Variants in ATP2B3 observed in about 807,000 individuals in gnomAD.
The protein encoded by ATP2B3 is ATPase plasma membrane Ca2+ transporting 3.
A neutral mutation model predicts 70.8 loss-of-function variants in ATP2B3; 12 were observed. The ratio of observed to expected loss-of-function variants is 0.17; its 90% CI spans 0.11 to 0.27. ATP2B3 has a LOEUF of 0.27. Ranked by LOEUF, ATP2B3 falls within the 10% of genes least tolerant of loss-of-function variation. The pLI, the probability that ATP2B3 is intolerant of heterozygous loss-of-function variation, is 1.00. For missense variants in ATP2B3, 858 were observed against 1,118.5 expected, an observed-to-expected ratio of 0.77 and a Z score of 3.32; for synonymous variants, 460 against 497.8, an observed-to-expected ratio of 0.92 and a Z score of 1.01.
At chrX:153,546,680 G>A (rs1274227626) in intron 8 of ATP2B3, among the ~76,000 whole-genome samples, 1 of 113,383 alleles carries the variant, frequency 8.8e-6, no homozygotes, top group Non-Finnish European at 1.9e-5. Flanking sequence ...GGAGCGGGGA[G>A]GAGGCCAGCC....
intron 21 of ATP2B3, chrX:153,569,922 G>A (rs2090763797): frequency 5.6e-6 from 3 of 532,872 alleles, no homozygotes; most frequent in East Asian, 3.6e-5. Context: ...GGTGTCTCTC[G>A]AAAGCCATAT....
Position 153,550,251 on chromosome X carries a change from C to T in ATP2B3, c.1788C>T (p.Leu596=), listed in dbSNP as rs1557010982. ...VIRMPDGGFR[L]FSKGASEILL... The stretch of plus-strand genomic sequence containing the variant: ...GCATGCCCGACGGTGGCTTCCGCCT[C>T]TTCAGCAAGGGGGCCTCAGAGATCC... The change falls in exon 12 of 22, where the codon CTC becomes CTT. Residue 596 remains leucine (L), a synonymous_variant. Transcript: ENST00000263519. 2.5e-6 allele frequency: 3 copies of T among 1,211,362 alleles called. No homozygotes were observed. Among genetic ancestry groups the T allele is most frequent in the Non-Finnish European group, 3.4e-6 (3 of 895,441 alleles).
intron 2 of ATP2B3, among the ~76,000 whole-genome samples, chrX:153,523,505 C>T (rs1463198544): frequency 8.9e-6 from 1 of 111,799 alleles, no homozygotes; most frequent in Non-Finnish European, 1.9e-5. Flanking sequence ...TTTCATCGCA[C>T]TGCATGGTGT....
chrX:153,551,055 G>A (rs1267363925), intron 12 of ATP2B3, among the ~76,000 whole-genome samples: 1 of 112,619 alleles, frequency 8.9e-6, no homozygotes, highest in South Asian at 3.6e-4. Context: ...GAATATTCAC[G>A]TACAAGTTTT....
At chrX:153,554,426 G>A (rs1299159232) in intron 13 of ATP2B3, among the ~76,000 whole-genome samples, 1 of 113,158 alleles carries the variant, frequency 8.8e-6, no homozygotes, top group Non-Finnish European at 1.9e-5. Context: ...TCTTGCCAGA[G>A]GGGCCTGGGG....
chrX:153,550,155 G>C lies in ATP2B3; in HGVS notation c.1692G>C (p.Gln564His), dbSNP rs782772934. 4 of 1,212,566 alleles carry C rather than the reference G, an allele frequency of 3.3e-6. No individual in the cohort carries two copies. Among genetic ancestry groups the C allele is most frequent in the Non-Finnish European group, 4.5e-6 (4 of 895,694 alleles). The change falls in exon 12 of 22, where the codon CAG becomes CAC. Residue 564 changes from glutamine to histidine, a missense_variant. Around this residue, in one of 5 missense-constraint regions of ATP2B3, gnomAD observed 242 missense variants for 281.3 expected, o/e 0.86. Transcript: ENST00000263519. ...GGGACTTCCAGCCCGTGCGCGAGCA[G>C]ATCCCGGAAGACAAGCTTTACAAAG... ...LKRDFQPVRE[Q>H]IPEDKLYKVY...
At chrX:153,536,840 G>A (rs1197824606) in intron 3 of ATP2B3, among the ~76,000 whole-genome samples, 1 of 112,563 alleles carries the variant, frequency 8.9e-6, no homozygotes, top group Non-Finnish European at 1.9e-5. Flanking sequence ...TTCACTTAAG[G>A]GGGATCAGAA....
chrX:153,569,964 T>C, intron 21 of ATP2B3: 1 of 423,203 alleles, frequency 2.4e-6, no homozygotes, highest in Non-Finnish European at 4.0e-6. Flanking sequence ...CCCATGGCAC[T>C]TCCGGACCTC....
intron 2 of ATP2B3, among the ~76,000 whole-genome samples, chrX:153,530,919 A>G (rs1294134569): frequency 3.6e-5 from 4 of 112,472 alleles, no homozygotes; most frequent in African/African-American, 1.3e-4. Flanking sequence ...TGGAGCCGTG[A>G]GGGCCCAGGA....
At position 153,536,105 on chromosome X, in the gene ATP2B3, C is replaced by T; in HGVS notation, c.-126-17C>T. 2 of 619,037 alleles carry T rather than the reference C, an allele frequency of 3.2e-6. No individual in the cohort carries two copies. Among genetic ancestry groups the T allele is most frequent in the South Asian group, 2.6e-5 (1 of 38,712 alleles). The allele number at this position is 619,037 out of a possible 1,213,427, so 51.0% of individuals were successfully genotyped here. A position where few individuals can be genotyped will look rare whatever the true frequency, so the allele number is the denominator to read the frequency against. On this transcript the variant is annotated splice_polypyrimidine_tract_variant and intron_variant, in intron 2 of 21. Coordinates refer to ENST00000263519, the MANE Select transcript of ATP2B3 (RefSeq NM_001001344.3). ...CTCAACCACTCCCCTGGCTTCTTCT[C>T]GCCTCCATCTCCCCAGGTGTCCACG...
chrX:153,570,855 C>G (rs1327281155), intron 21 of ATP2B3, among the ~76,000 whole-genome samples: 5 of 110,293 alleles, frequency 4.5e-5, no homozygotes, highest in African/African-American at 1.7e-4. Flanking sequence ...CTTTTCTTTT[C>G]CTTTCTTTTT....
chrX:153,551,103 T>C (rs1384213695), intron 12 of ATP2B3, among the ~76,000 whole-genome samples: 1 of 112,429 alleles, frequency 8.9e-6, no homozygotes, highest in African/African-American at 3.2e-5. Flanking sequence ...TGCGTGGACA[T>C]CTAGGAGAGG....
chrX:153,550,226 G>T lies in ATP2B3; in HGVS notation c.1763G>T (p.Arg588Leu), dbSNP rs201731964. The change falls in exon 12 of 22, where the codon CGC (arginine) becomes CTC (leucine). Residue 588 changes from arginine to leucine, a missense_variant. Physicochemically the swap from Arg to Leu is moderately radical, Grantham distance 102. Around this residue, in one of 5 missense-constraint regions of ATP2B3, gnomAD observed 242 missense variants for 281.3 expected, o/e 0.86. Transcript: ENST00000263519. Reference protein sequence around the residue: ...SVRKSMSTVIRMPDGGFRLFS... With the variant: ...SVRKSMSTVILMPDGGFRLFS... The stretch of plus-strand genomic sequence containing the variant: ...CGCAAGTCCATGAGCACAGTCATCC[G>T]CATGCCCGACGGTGGCTTCCGCCTC... 8.3e-7 allele frequency: 1 copy of T among 1,211,310 alleles called. No homozygotes were observed. The highest frequency in any genetic ancestry group is 1.1e-6 in the Non-Finnish European group (1 of 895,435).
chrX:153,559,030 A>G (rs1434659483), intron 17 of ATP2B3, among the ~76,000 whole-genome samples: 3 of 48,965 alleles, frequency 6.1e-5, no homozygotes, highest in Non-Finnish European at 7.3e-5. Flanking sequence ...TCTTTTCAAA[A>G]CAATTTTTTA....
At chrX:153,576,844 C>G (rs1179498172) in intron 21 of ATP2B3, among the ~76,000 whole-genome samples, 1 of 112,072 alleles carries the variant, frequency 8.9e-6, no homozygotes, top group African/African-American at 3.2e-5. Context: ...CTCTTAGAAA[C>G]GTTTGTTGCT....
rs201392065 is a variant in ATP2B3 at position 153,536,254 on chromosome X, G to A, written c.7G>A (p.Asp3Asn). Residue 3 changes from aspartate to asparagine, a missense_variant, in exon 3 of 22, where the codon GAC becomes AAC. Physicochemically the swap from Asp to Asn is conservative, Grantham distance 23 (BLOSUM62 1). Around this residue, in one of 5 missense-constraint regions of ATP2B3, gnomAD observed 278 missense variants for 366.2 expected, o/e 0.76. Coordinates refer to ENST00000263519, the MANE Select transcript of ATP2B3 (RefSeq NM_001001344.3). ...AGAAGGCCTGACAGGCAGCATGGGCGACATGGCCAATAGTTCCATCGAGTT... is the reference window on the plus strand; with the variant it reads ...AGAAGGCCTGACAGGCAGCATGGGCAACATGGCCAATAGTTCCATCGAGTT... MGDMANSSIEFHP... is the reference protein window; with the variant it reads MGNMANSSIEFHP... The A allele has an allele frequency of 7.5e-5, 89 of 1,192,309 alleles. No individual in the cohort carries two copies. Among genetic ancestry groups the A allele is most frequent in the Non-Finnish European group, 9.5e-5 (84 of 886,094 alleles).
At chrX:153,532,285 G>A (rs782001526) in intron 2 of ATP2B3, among the ~76,000 whole-genome samples, 4 of 112,809 alleles carry the variant, frequency 3.5e-5, no homozygotes, top group East Asian at 5.6e-4. Context: ...AGAAAGTGCC[G>A]AGCCTTCTGG....
chrX:153,532,357 C>A, intron 2 of ATP2B3, among the ~76,000 whole-genome samples: 1 of 112,734 alleles, frequency 8.9e-6, no homozygotes, highest in Non-Finnish European at 1.9e-5. Context: ...GAGGTGCCAG[C>A]AGAGCCCCCA....
intron 2 of ATP2B3, among the ~76,000 whole-genome samples, chrX:153,524,019 T>G (rs1556998823): frequency 8.9e-6 from 1 of 111,950 alleles, no homozygotes; most frequent in Non-Finnish European, 1.9e-5. Flanking sequence ...TTGAATAAAC[T>G]GTATGCATGA....
Sources: gnomAD v4.1 joint callset for allele counts (sites outside exome capture counted in the v4.1 genomes callset) on GRCh38, gnomAD v4.1.1 for gene constraint, gnomAD v4.1.1 regional missense constraint, MANE v1.5 for transcripts, NCBI Gene and HGNC (gene_info 2026-07-23, HGNC 2026-07-21) for gene names.